GABRB1: variants seen among roughly 807,000 people sequenced by gnomAD.
GABRB1 encodes gamma-aminobutyric acid type A receptor subunit beta1.
A neutral mutation model predicts 51.6 loss-of-function variants in GABRB1; 17 were observed. The ratio of observed to expected loss-of-function variants is 0.33; its 90% CI spans 0.23 to 0.49. The LOEUF (loss-of-function observed/expected upper bound fraction) is 0.49, where lower values mean the gene tolerates loss of function less well. GABRB1 is among the 20% of genes least tolerant of loss of function. The pLI, the probability that GABRB1 is intolerant of heterozygous loss-of-function variation, is 0.99. For synonymous variants in GABRB1, 247 were observed against 218.9 expected (o/e 1.13, Z -1.14); for missense variants, 410 against 600.6 (o/e 0.68, Z 3.32).
At chr4:47,307,797 C>T (rs571145662) in intron 4 of GABRB1, among the ~76,000 whole-genome samples, 2 of 151,776 alleles carry the variant, frequency 1.3e-5, no homozygotes, top group Non-Finnish European at 2.9e-5. Flanking sequence ...ATCTAGAGAA[C>T]GAATAGTTTC....
At chr4:47,284,908 G>A (rs1723450078) in intron 4 of GABRB1, among the ~76,000 whole-genome samples, 1 of 152,148 alleles carries the variant, frequency 6.6e-6, no homozygotes, top group Admixed American at 6.5e-5. Flanking sequence ...AAAAACAATA[G>A]CATTTCATAA....
intron 1 of GABRB1, among the ~76,000 whole-genome samples, chr4:47,000,128 A>C (rs1265080113): frequency 6.6e-6 from 1 of 152,214 alleles, no homozygotes; most frequent in African/African-American, 2.4e-5. Flanking sequence ...TCAGGGAGCA[A>C]ACCACTTTCT....
At chr4:47,053,157 G>C (rs1726430678) in intron 3 of GABRB1, among the ~76,000 whole-genome samples, 1 of 152,222 alleles carries the variant, frequency 6.6e-6, no homozygotes, top group South Asian at 2.1e-4. Flanking sequence ...CTAACCCCAA[G>C]AAGAGCTCTG....
At chr4:47,139,922 C>A (rs1716849596) in intron 3 of GABRB1, among the ~76,000 whole-genome samples, 1 of 151,684 alleles carries the variant, frequency 6.6e-6, no homozygotes, top group African/African-American at 2.4e-5. Flanking sequence ...ATGAAAGTAG[C>A]AACAAAAGTA....
chr4:47,051,381 T>A (rs564892203), intron 3 of GABRB1, among the ~76,000 whole-genome samples: 19 of 152,238 alleles, frequency 1.2e-4, no homozygotes, highest in African/African-American at 4.3e-4. Context: ...AAGAGGCAGA[T>A]TGGAGACAAA....
chr4:47,092,865 G>A (rs910436560), intron 3 of GABRB1, among the ~76,000 whole-genome samples: 5 of 152,092 alleles, frequency 3.3e-5, no homozygotes, highest in South Asian at 2.1e-4. Flanking sequence ...CACCCGCTTC[G>A]GCCTCCCAGA....
chr4:47,369,298 G>A (rs1727104022), intron 5 of GABRB1, among the ~76,000 whole-genome samples: 1 of 152,124 alleles, frequency 6.6e-6, no homozygotes, highest in African/African-American at 2.4e-5. Context: ...GTGATCTTGA[G>A]CAAATCACAG....
chr4:47,123,717 G>GATATATA (rs557406727), intron 3 of GABRB1, among the ~76,000 whole-genome samples: 18 of 58,602 alleles, frequency 3.1e-4, no homozygotes, highest in African/African-American at 1.1e-3. Flanking sequence ...TATGATATAT[G>GATATATA]ATATATGATA....
At chr4:47,070,939 A>G (rs1727309684) in intron 3 of GABRB1, among the ~76,000 whole-genome samples, 1 of 152,130 alleles carries the variant, frequency 6.6e-6, no homozygotes, top group African/African-American at 2.4e-5. Flanking sequence ...ATCTCCATTT[A>G]TTTGTCTAAT....
intron 3 of GABRB1, among the ~76,000 whole-genome samples, chr4:47,103,282 C>T (rs900103317): frequency 3.9e-5 from 6 of 151,964 alleles, no homozygotes; most frequent in Admixed American, 2.6e-4. Context: ...CTATCAATGG[C>T]AATTGTGAAA....
intron 3 of GABRB1, among the ~76,000 whole-genome samples, chr4:47,042,167 T>G (rs1725874722): frequency 6.6e-6 from 1 of 151,858 alleles, no homozygotes; most frequent in African/African-American, 2.4e-5. Flanking sequence ...CACTAGAAAT[T>G]TTTGAGTCAT....
chr4:47,306,825 G>A (rs998510908), intron 4 of GABRB1, among the ~76,000 whole-genome samples: 1 of 152,028 alleles, frequency 6.6e-6, no homozygotes, highest in African/African-American at 2.4e-5. Context: ...CATTTTAAAT[G>A]CTGTAAAGTA....
chr4:47,024,948 A>ATATATATATATATATATATATATT (rs1310486153), intron 1 of GABRB1, among the ~76,000 whole-genome samples: 39 of 138,158 alleles, frequency 2.8e-4, no homozygotes, highest in Non-Finnish European at 5.1e-4. Flanking sequence ...ATATATATAT[A>ATATATATATATATATATATATATT]TATGTTATTT....
At chr4:47,402,026 A>T (rs1728413013) in intron 5 of GABRB1, among the ~76,000 whole-genome samples, 1 of 152,232 alleles carries the variant, frequency 6.6e-6, no homozygotes, top group African/African-American at 2.4e-5. Flanking sequence ...TTCTAAGTCC[A>T]ATAGTAAAGA....
rs1171901577 is a variant in GABRB1, at chr4:47,031,920, T to C, written c.87T>C (p.Asn29=). ...ITMVCCAHST[N]EPSNMSYVKE... ...CCCTACTTCTTCCCCTTAGCACCAA[T>C]GAACCCAGCAACATGTCATACGTGA... The change falls in exon 2 of 9, where the codon AAT becomes AAC. Residue 29 remains asparagine (N), a synonymous_variant. Transcript: ENST00000295454. The C allele has an allele frequency of 6.2e-7, 1 of 1,613,812 alleles. No homozygotes were observed. The highest frequency in any genetic ancestry group is 8.5e-7 in the Non-Finnish European group (1 of 1,179,866).
chr4:47,208,816 T>C (rs1012623451), intron 4 of GABRB1, among the ~76,000 whole-genome samples: 1 of 152,220 alleles, frequency 6.6e-6, no homozygotes, highest in South Asian at 2.1e-4. Context: ...TTCTACCCTA[T>C]AGTTGGGTCC....
intron 4 of GABRB1, among the ~76,000 whole-genome samples, chr4:47,319,755 T>C (rs1236250604): frequency 6.6e-6 from 1 of 152,186 alleles, no homozygotes; most frequent in Non-Finnish European, 1.5e-5. Flanking sequence ...TAAGAAAGGT[T>C]AATATTAGTT....
In GABRB1 at chr4:47,320,202, C is replaced by T. The variant is rs6284; in HGVS notation, c.537C>T (p.Ile179=). The change falls in exon 5 of 9, where the codon ATC becomes ATT. Residue 179 remains isoleucine, a synonymous_variant. Transcript: ENST00000295454. ...ATGAGCAGAACTGCACCCTGGAGAT[C>T]GAAAGTTGTGAGTTACTTGGACAGG... ...PLDEQNCTLE[I]ESYGYTTDDI... 1.3e-6 allele frequency: 2 copies of T among 1,585,424 alleles called. No individual in the cohort carries two copies. The highest frequency in any genetic ancestry group is 2.2e-5 in the East Asian group (1 of 44,754).
chr4:47,279,235 A>G (rs1157450353), intron 4 of GABRB1, among the ~76,000 whole-genome samples: 1 of 152,172 alleles, frequency 6.6e-6, no homozygotes, highest in Non-Finnish European at 1.5e-5. Flanking sequence ...GATATGGTCC[A>G]AGTTCCATAG....
Sources: allele counts gnomAD v4.1 joint callset (sites outside exome capture counted in the v4.1 genomes callset), GRCh38; gene constraint gnomAD v4.1.1; transcripts MANE v1.5; gene names NCBI Gene and HGNC (gene_info 2026-07-23, HGNC 2026-07-21).